UBR4: variants seen among roughly 807,000 people sequenced by gnomAD.
UBR4 encodes E3 ubiquitin-protein ligase UBR4.
A neutral mutation model predicts 575.6 loss-of-function variants in UBR4; 124 were observed. The observed-to-expected ratio is 0.22, with a 90% CI of 0.19 to 0.25. UBR4 has a LOEUF of 0.25. Ranked by LOEUF, UBR4 falls within the 10% of genes least tolerant of loss-of-function variation. The pLI, the probability that UBR4 is intolerant of heterozygous loss-of-function variation, is 1.00. For missense variants in UBR4, 4,818 were observed against 6,478.8 expected, an observed-to-expected ratio of 0.74 and a Z score of 8.80; for synonymous variants, 2,455 against 2,473.7, an observed-to-expected ratio of 0.99 and a Z score of 0.22.
In UBR4 at chr1:19,185,952, C is replaced by T. The variant is rs560949601; in HGVS notation, c.1750+588G>A. On this transcript the variant is annotated intron_variant, in intron 14 of 105. Coordinates refer to ENST00000375254, the MANE Select transcript of UBR4 (RefSeq NM_020765.3). ...GTAACAAGCCAAATATTTTCAAGAG[C>T]GAATTTATACTTGCCTTATCAACCA... Among the ~76,000 whole-genome samples, 40 of 152,246 alleles carry T rather than the reference C, an allele frequency of 2.6e-4. 2 individuals carry two copies. The East Asian group carries it at 3.3e-3, about 12-fold the overall frequency.
chr1:19,181,697 A>G (rs1302423505), intron 17 of UBR4, among the ~76,000 whole-genome samples: 2 of 152,230 alleles, frequency 1.3e-5, no homozygotes, highest in Non-Finnish European at 2.9e-5. Context: ...GACTGCAATA[A>G]TAATATTAAA....
At chr1:19,094,675 C>T (rs994210268) in intron 94 of UBR4, among the ~76,000 whole-genome samples, 7 of 152,240 alleles carry the variant, frequency 4.6e-5, no homozygotes, top group African/African-American at 1.4e-4. Flanking sequence ...ATTCCATTAA[C>T]GAGCAGCTTT....
At chr1:19,170,947 G>A (rs992476891) in intron 25 of UBR4, 64 bp from the exon 26 acceptor site, 3 of 1,609,778 alleles carry the variant, frequency 1.9e-6, no homozygotes, top group African/African-American at 1.3e-5. Context: ...AGGAAAAACT[G>A]GCCCTAGACT....
intron 92 of UBR4, 152 bp downstream of exon 92, chr1:19,096,371 T>A: frequency 7.9e-7 from 1 of 1,265,860 alleles, no homozygotes; most frequent in Non-Finnish European, 1.1e-6. Context: ...AAGAATGTAG[T>A]CCTAACTGCC....
At chr1:19,077,802 C>T in intron 104 of UBR4, 174 bp downstream of exon 104, 2 of 1,537,128 alleles carry the variant, frequency 1.3e-6, no homozygotes, top group South Asian at 2.4e-5. Context: ...ACACAAGGCT[C>T]CAGGCTGCCA....
At position 19,088,703 on chromosome 1, in the gene UBR4, C is replaced by T. The variant is rs1270930148; in HGVS notation, c.14430+56G>A. On this transcript the variant is annotated intron_variant, in intron 98 of 105. Coordinates refer to ENST00000375254, the MANE Select transcript of UBR4 (RefSeq NM_020765.3). The surrounding 1 kb of genome is among the most constrained non-coding windows in gnomAD (Gnocchi z 4.0). Reference sequence around the variant, plus strand: ...GCCAACCCCAGGGCTGTCCCATGGCCACCTCCTCATCAACAGTGTGGGCAG... The same window carrying T: ...GCCAACCCCAGGGCTGTCCCATGGCTACCTCCTCATCAACAGTGTGGGCAG... The T allele has an allele frequency of 1.3e-6, 2 of 1,586,618 alleles. No individual in the cohort carries two copies. The highest frequency in any genetic ancestry group is 1.7e-5 in the Admixed American group (1 of 59,602).
chr1:19,117,735 C>T lies in UBR4; in HGVS notation c.10629+88G>A. ...CGGTGACCAACCATTAGGAGAGGAA[C>T]ATCTATGTGATAATGATCCATCTCT... is the stretch of plus-strand genomic sequence containing the variant. On this transcript the variant is annotated intron_variant, in intron 72 of 105. Transcript: ENST00000375254. This position sits in a 1 kb window ranked among gnomAD's most constrained non-coding sequence, Gnocchi z 4.0. 1.6e-6 allele frequency: 2 copies of T among 1,273,248 alleles called. No individual in the cohort carries two copies. The highest frequency in any genetic ancestry group is 1.2e-5 in the South Asian group (1 of 80,078). 78.9% of individuals were successfully genotyped at this position (1,273,248 alleles called of 1,614,324 possible).
chr1:19,197,540 A>G, intron 7 of UBR4, 130 bp downstream of exon 7: 1 of 1,324,846 alleles, frequency 7.5e-7, no homozygotes. Flanking sequence ...GAGGTGGGAG[A>G]ACTGCTTGAA....
chr1:19,102,100 T>C (rs1012463878), intron 87 of UBR4, among the ~76,000 whole-genome samples: 4 of 152,280 alleles, frequency 2.6e-5, no homozygotes, highest in Non-Finnish European at 4.4e-5. Flanking sequence ...TAAAGTAACA[T>C]GAAGGTGAGA....
Position 19,153,281 on chromosome 1 carries a change from C to T in UBR4, c.6832+20G>A, listed in dbSNP as rs1237106022. On this transcript the variant is annotated intron_variant, in intron 46 of 105. Coordinates refer to ENST00000375254, the MANE Select transcript of UBR4 (RefSeq NM_020765.3). The surrounding 1 kb of genome is among the most constrained non-coding windows in gnomAD (Gnocchi z 4.1). ...CCACCATTCCTACTCCCCCACAAGTCATCTGAGAAGGAGCCTTACTGATTG... is the reference window on the plus strand; with the variant it reads ...CCACCATTCCTACTCCCCCACAAGTTATCTGAGAAGGAGCCTTACTGATTG... 1.2e-6 allele frequency: 2 copies of T among 1,613,308 alleles called. No homozygotes were observed. Among genetic ancestry groups the T allele is most frequent in the African/African-American group, 2.7e-5 (2 of 74,944 alleles).
intron 87 of UBR4, 57 bp downstream of exon 87, chr1:19,104,027 C>A: frequency 6.3e-7 from 1 of 1,575,488 alleles, no homozygotes; most frequent in Non-Finnish European, 8.6e-7. Context: ...GTCGAATGCA[C>A]CTCGGCAGCC....
At chr1:19,083,321 A>C (rs1201863086) in intron 102 of UBR4, among the ~76,000 whole-genome samples, 6 of 152,212 alleles carry the variant, frequency 3.9e-5, no homozygotes, top group Admixed American at 3.9e-4. Context: ...TTAACTCACA[A>C]GGAAATGGGA....
At chr1:19,192,618 A>G in intron 9 of UBR4, 78 bp from the exon 10 acceptor site, 1 of 1,501,444 alleles carries the variant, frequency 6.7e-7, no homozygotes, top group Non-Finnish European at 9.2e-7. Context: ...TACCCAAACA[A>G]TTTAACTTGA....
At chr1:19,077,903 C>A in intron 104 of UBR4, 73 bp downstream of exon 104, 1 of 1,610,846 alleles carries the variant, frequency 6.2e-7, no homozygotes, top group African/African-American at 1.3e-5. Flanking sequence ...GGTGCTGAGG[C>A]AGAGTCAGGG....
At chr1:19,176,111 T>C (rs1000058732) in intron 20 of UBR4, among the ~76,000 whole-genome samples, 1 of 147,216 alleles carries the variant, frequency 6.8e-6, no homozygotes, top group Non-Finnish European at 1.5e-5. Context: ...TTCCTTGAAA[T>C]AGAGTCTTGT....
chr1:19,175,941 G>C (rs189265530), intron 20 of UBR4, among the ~76,000 whole-genome samples: 1 of 152,088 alleles, frequency 6.6e-6, no homozygotes, highest in African/African-American at 2.4e-5. Flanking sequence ...CCACAGGCAC[G>C]TGCCACCATG....
intron 8 of UBR4, among the ~76,000 whole-genome samples, chr1:19,194,378 C>T (rs750239466): frequency 2.0e-5 from 3 of 152,140 alleles, no homozygotes; most frequent in Non-Finnish European, 4.4e-5. Context: ...GTTCCAGTTA[C>T]TCAGGAGGTT....
rs916468719 is a variant in UBR4, at chr1:19,077,950, C to A, written c.15324+26G>T. The A allele has an allele frequency of 6.2e-6, 10 of 1,613,580 alleles. No homozygotes were observed. The African/African-American group carries it at 8.0e-5, about 13-fold the overall frequency. On this transcript the variant is annotated intron_variant, in intron 104 of 105. Coordinates refer to ENST00000375254, the MANE Select transcript of UBR4 (RefSeq NM_020765.3). ...GACATTTTACACTCTTGCCAAAACC[C>A]ACTGGGCCTCTGACAGCCTCCTTAC...
Position 19,148,638 on chromosome 1 carries a change from G to A in UBR4, c.7431-12C>T, listed in dbSNP as rs369169975. Reference sequence around the variant, plus strand: ...AACTCACAACCAGCCTGGGGAGACAGAAAACCTGGCTTGAGTACAACACCG... The same window carrying A: ...AACTCACAACCAGCCTGGGGAGACAAAAAACCTGGCTTGAGTACAACACCG... On this transcript the variant is annotated splice_polypyrimidine_tract_variant and intron_variant, in intron 49 of 105. Transcript: ENST00000375254. The A allele has an allele frequency of 6.2e-7, 1 of 1,614,168 alleles. No individual in the cohort carries two copies. The highest frequency in any genetic ancestry group is 1.7e-4 in the Middle Eastern group (1 of 6,058).
Sources: allele counts gnomAD v4.1 joint callset (sites outside exome capture counted in the v4.1 genomes callset), GRCh38; gene constraint gnomAD v4.1.1; non-coding constraint Gnocchi (gnomAD v3.1); transcripts MANE v1.5; gene names NCBI Gene and HGNC (gene_info 2026-07-23, HGNC 2026-07-21).